ADAM12: variants seen among roughly 807,000 people sequenced by gnomAD.
The protein encoded by ADAM12 is ADAM metallopeptidase domain 12.
In ADAM12, 70 loss-of-function variants were observed where a neutral mutation model predicts 106.4. That is an observed-to-expected ratio of 0.66 (90% CI 0.54 to 0.80). ADAM12 has a LOEUF of 0.80. Among genes scored for constraint, ADAM12 ranks in the 30% least tolerant of loss-of-function variants. The pLI is 0.00. For missense variants in ADAM12, 1,010 were observed against 1,171.9 expected, an observed-to-expected ratio of 0.86 and a Z score of 2.02; for synonymous variants, 420 against 433.5, an observed-to-expected ratio of 0.97 and a Z score of 0.39.
chr10:126,145,844 A>G (rs769686316), intron 4 of ADAM12, among the ~76,000 whole-genome samples: 1 of 152,238 alleles, frequency 6.6e-6, no homozygotes, highest in Non-Finnish European at 1.5e-5. Context: ...TGCATGAATG[A>G]ATGACTGAAT....
chr10:126,206,188 T>C (rs1018820581), intron 3 of ADAM12, among the ~76,000 whole-genome samples: 7 of 152,200 alleles, frequency 4.6e-5, no homozygotes, highest in Admixed American at 1.3e-4. Flanking sequence ...GAGAAACACA[T>C]TGTAAGAAAA....
intron 2 of ADAM12, among the ~76,000 whole-genome samples, chr10:126,286,768 A>G (rs1424416375): frequency 2.6e-5 from 4 of 152,348 alleles, no homozygotes; most frequent in East Asian, 1.9e-4. Context: ...GTTTGTTATT[A>G]CATAAATAAT....
intron 5 of ADAM12, among the ~76,000 whole-genome samples, chr10:126,131,193 G>A (rs935488256): frequency 1.3e-5 from 2 of 149,278 alleles, no homozygotes; most frequent in Admixed American, 6.7e-5. Flanking sequence ...CTGCCTCGGG[G>A]ACCCTGGGTG....
At chr10:126,186,894 G>T (rs1211041319) in intron 3 of ADAM12, among the ~76,000 whole-genome samples, 1 of 152,142 alleles carries the variant, frequency 6.6e-6, no homozygotes, top group Non-Finnish European at 1.5e-5. Context: ...AAGCAGCTCT[G>T]GGAAGCAGGC....
intron 20 of ADAM12, 71 bp from the exon 21 acceptor site, chr10:126,036,396 C>A: frequency 6.7e-7 from 1 of 1,492,436 alleles, no homozygotes; most frequent in Non-Finnish European, 9.0e-7. Context: ...AAGGAAAAAG[C>A]AGTGCTAACT....
At chr10:126,184,883 A>G (rs534252658) in intron 3 of ADAM12, among the ~76,000 whole-genome samples, 4 of 152,304 alleles carry the variant, frequency 2.6e-5, no homozygotes, top group South Asian at 4.1e-4. Context: ...TCGGGACTCC[A>G]TGAGGACTGG....
chr10:126,176,430 G>A lies in ADAM12; in HGVS notation c.261-21125C>T, dbSNP rs917883526. 3.9e-5 allele frequency among the ~76,000 whole-genome samples: 6 copies of A among 152,282 alleles called. No individual in the cohort carries two copies. In the East Asian group the frequency reaches 5.8e-4, roughly 15 times the overall value. On this transcript the variant is annotated intron_variant, in intron 3 of 22. Transcript: ENST00000448723. ...TAGGTGATATGAAATAGAGTTTACC[G>A]TCATTTTAAATAAAGACACTAGGTG...
At chr10:126,039,149 CGG>C (rs1233267701) in intron 19 of ADAM12, 143 bp downstream of exon 19, 5 of 892,568 alleles carry the variant, frequency 5.6e-6, no homozygotes, top group Non-Finnish European at 8.2e-6. Flanking sequence ...TTAGTAGAGA[CGG>C]GGTTTCACCG....
At chr10:126,097,802 G>T (rs1363007393) in intron 10 of ADAM12, among the ~76,000 whole-genome samples, 1 of 152,238 alleles carries the variant, frequency 6.6e-6, no homozygotes, top group Non-Finnish European at 1.5e-5. Flanking sequence ...CATTCATAAC[G>T]AGACCCAAAT....
chr10:126,334,119 GGATA>G (rs750274825), intron 1 of ADAM12, among the ~76,000 whole-genome samples: 1 of 152,008 alleles, frequency 6.6e-6, no homozygotes, highest in Non-Finnish European at 1.5e-5. Flanking sequence ...TTCACTGCAC[GGATA>G]GACAGAATAA....
Position 126,064,772 on chromosome 10 carries a change from C to T in ADAM12, c.1609+34G>A. On this transcript the variant is annotated intron_variant, in intron 14 of 22. Coordinates refer to ENST00000448723, the MANE Select transcript of ADAM12 (RefSeq NM_001288973.2). This position sits in a 1 kb window ranked among gnomAD's most constrained non-coding sequence, Gnocchi z 4.4. ...TCCCACAGCCCAGGTCTGCCAGTGC[C>T]TCTCCTGATGCCGAGCTTGTGGCGG... is the stretch of plus-strand genomic sequence containing the variant. 1 of 1,568,080 alleles carries T rather than the reference C, an allele frequency of 6.4e-7. No homozygotes were observed. Among genetic ancestry groups the T allele is most frequent in the South Asian group, 1.2e-5 (1 of 84,130 alleles).
At chr10:126,274,716 C>T (rs1028419377) in intron 3 of ADAM12, among the ~76,000 whole-genome samples, 1 of 152,160 alleles carries the variant, frequency 6.6e-6, no homozygotes, top group African/African-American at 2.4e-5. Flanking sequence ...CCTAAGGCCA[C>T]CGGCAGCAAC....
chr10:126,098,329 G>T, intron 10 of ADAM12, 87 bp downstream of exon 10: 2 of 1,062,046 alleles, frequency 1.9e-6, no homozygotes, highest in Non-Finnish European at 2.9e-6. Context: ...TAAAGGAAAG[G>T]ATCTATCTTC....
At chr10:126,069,162 C>A (rs1000548040) in intron 12 of ADAM12, among the ~76,000 whole-genome samples, 2 of 152,164 alleles carry the variant, frequency 1.3e-5, no homozygotes, top group African/African-American at 4.8e-5. Context: ...GCCTAAAATT[C>A]TTAGGCAAAG....
intron 22 of ADAM12, among the ~76,000 whole-genome samples, chr10:126,018,226 C>CT (rs1953696304): frequency 6.6e-6 from 1 of 152,178 alleles, no homozygotes; most frequent in Non-Finnish European, 1.5e-5. Flanking sequence ...AACACAGTAC[C>CT]TTTGGTTCTT....
chr10:126,379,412 A>G (rs761705869), intron 1 of ADAM12, among the ~76,000 whole-genome samples: 36 of 152,284 alleles, frequency 2.4e-4, no homozygotes, highest in Admixed American at 9.1e-4. Context: ...GAAGCTGGAA[A>G]CCATCATTTT....
At chr10:126,326,200 G>C (rs1277729212) in intron 2 of ADAM12, among the ~76,000 whole-genome samples, 1 of 144,162 alleles carries the variant, frequency 6.9e-6, no homozygotes, top group African/African-American at 2.6e-5. Context: ...AATCACCGGG[G>C]AGTATTTTTT....
chr10:126,040,784 C>G (rs1447851794), intron 18 of ADAM12, among the ~76,000 whole-genome samples: 1 of 152,124 alleles, frequency 6.6e-6, no homozygotes, highest in Non-Finnish European at 1.5e-5. Flanking sequence ...CATAAATCTT[C>G]AATACATCAA....
chr10:126,095,976 G>T (rs989736137), intron 10 of ADAM12, among the ~76,000 whole-genome samples: 1 of 152,204 alleles, frequency 6.6e-6, no homozygotes, highest in Non-Finnish European at 1.5e-5. Context: ...AGATCTTACA[G>T]GTTTGTTGAC....
Sources: gnomAD v4.1 joint callset for allele counts (sites outside exome capture counted in the v4.1 genomes callset) on GRCh38, gnomAD v4.1.1 for gene constraint, Gnocchi (gnomAD v3.1) non-coding constraint, MANE v1.5 for transcripts, NCBI Gene and HGNC (gene_info 2026-07-23, HGNC 2026-07-21) for gene names.